SGTA: variants seen among roughly 807,000 people sequenced by gnomAD.
SGTA encodes small glutamine-rich tetratricopeptide repeat-containing protein alpha.
In SGTA, 22 loss-of-function variants were observed where a neutral mutation model predicts 44.3. The observed-to-expected ratio is 0.50, with a 90% confidence interval of 0.36 to 0.71. The LOEUF (loss-of-function observed/expected upper bound fraction) is 0.71, where lower values mean the gene tolerates loss of function less well. Ranked by LOEUF, SGTA falls within the 30% of genes least tolerant of loss-of-function variation. The pLI is 0.00. For missense variants in SGTA, 341 were observed against 435.9 expected (o/e 0.78, Z 1.94); for synonymous variants, 174 against 177.6 (o/e 0.98, Z 0.16).
At chr19:2,757,547 C>A in intron 10 of SGTA, 90 bp from the exon 11 acceptor site, 1 of 1,531,898 alleles carries the variant, frequency 6.5e-7, no homozygotes, top group Non-Finnish European at 8.7e-7. Context: ...GGCCCTCCAC[C>A]CCAAAGACAG....
At chr19:2,774,334 C>T (rs1013170833) in intron 1 of SGTA, among the ~76,000 whole-genome samples, 1 of 152,100 alleles carries the variant, frequency 6.6e-6, no homozygotes, top group Non-Finnish European at 1.5e-5. Flanking sequence ...TGTCATCACA[C>T]GGAAGGGAGC....
intron 1 of SGTA, among the ~76,000 whole-genome samples, chr19:2,774,287 C>T (rs1040494627): frequency 5.3e-5 from 8 of 152,282 alleles, no homozygotes; most frequent in African/African-American, 1.9e-4. Context: ...CGCGTGGTCG[C>T]ATGCCCAGGA....
rs780242378 is a variant in SGTA at position 2,767,629 on chromosome 19, G to C, written c.158C>G (p.Ala53Gly). 3 of 1,613,560 alleles carry C rather than the reference G, an allele frequency of 1.9e-6. No individual in the cohort carries two copies. In the African/African-American group the frequency reaches 4.0e-5, roughly 22 times the overall value. ...TATCTCCGGCAGAGTCTGAGGGAGCGCAAGGTCACTGTCTTCTACCGTCAC... is the reference window on the plus strand; with the variant it reads ...TATCTCCGGCAGAGTCTGAGGGAGCCCAAGGTCACTGTCTTCTACCGTCAC... ...FGVTVEDSDL[A>G]LPQTLPEIFE... Residue 53 changes from alanine to glycine, a missense_variant, in exon 3 of 12, where the codon GCG (alanine) becomes GGG (glycine). By Grantham distance (60) the Ala-to-Gly change is moderately conservative (BLOSUM62 0). Transcript: ENST00000221566. This position sits in a 1 kb window ranked among gnomAD's most constrained non-coding sequence, Gnocchi z 7.3.
Position 2,767,674 on chromosome 19 carries a change from C to A in SGTA, c.113G>T (p.Cys38Phe). ...CGTCACCCCAAACGCAGTCTCCAGGCACTGGATGGCGACTGAAGCGGGGAC... is the reference window on the plus strand; with the variant it reads ...CGTCACCCCAAACGCAGTCTCCAGGAACTGGATGGCGACTGAAGCGGGGAC... Reference protein sequence around the residue: ...AQESLEVAIQCLETAFGVTVE... With the variant: ...AQESLEVAIQFLETAFGVTVE... The change falls in exon 3 of 12, where the codon TGC becomes TTC. Residue 38 changes from cysteine to phenylalanine, a missense_variant. Cys to Phe is a radical substitution (Grantham distance 205). Transcript: ENST00000221566. This position sits in a 1 kb window ranked among gnomAD's most constrained non-coding sequence, Gnocchi z 7.3. 1 of 1,613,270 alleles carries A rather than the reference C, an allele frequency of 6.2e-7. No homozygotes were observed. The highest frequency in any genetic ancestry group is 8.5e-7 in the Non-Finnish European group (1 of 1,179,518).
intron 7 of SGTA, 56 bp downstream of exon 7, chr19:2,762,450 C>A: frequency 1.3e-6 from 2 of 1,596,866 alleles, no homozygotes; most frequent in Non-Finnish European, 1.7e-6. Context: ...AGGACCTGTC[C>A]CCCACCCACA....
rs570038675 is a variant in SGTA at position 2,766,237 on chromosome 19, G to C, written c.292+899C>G. 2.0e-5 allele frequency among the ~76,000 whole-genome samples: 3 copies of C among 151,684 alleles called. No individual in the cohort carries two copies. In the East Asian group the frequency reaches 5.8e-4, roughly 30 times the overall value. ...TCTCAAAAAAGAAAAAAAAGAAATG[G>C]GATCACATGCTGTGCGTCCTTTTGT... is the stretch of plus-strand genomic sequence containing the variant. On this transcript the variant is annotated intron_variant, in intron 4 of 11. Coordinates refer to ENST00000221566, the MANE Select transcript of SGTA (RefSeq NM_003021.4).
rs1049331092 is a variant in SGTA at position 2,761,875 on chromosome 19, G to A, written c.637-353C>T. Among the ~76,000 whole-genome samples the A allele has an allele frequency of 3.5e-5, 5 of 144,520 alleles. No individual in the cohort carries two copies. The highest frequency in any genetic ancestry group is 7.5e-5 in the Non-Finnish European group (5 of 66,692). 94.8% of individuals were successfully genotyped at this position (144,520 alleles called of 152,430 possible). ...CGGGGACGGCACAGTCTATCATCCCGTGTTTATTCCCCGTACAGCGCGACC... is the reference window on the plus strand; with the variant it reads ...CGGGGACGGCACAGTCTATCATCCCATGTTTATTCCCCGTACAGCGCGACC... On this transcript the variant is annotated intron_variant, in intron 7 of 11. Coordinates refer to ENST00000221566, the MANE Select transcript of SGTA (RefSeq NM_003021.4). This position sits in a 1 kb window ranked among gnomAD's most constrained non-coding sequence, Gnocchi z 5.7.
At chr19:2,766,463 A>G (rs539049738) in intron 4 of SGTA, among the ~76,000 whole-genome samples, 1 of 149,802 alleles carries the variant, frequency 6.7e-6, no homozygotes, top group Non-Finnish European at 1.5e-5. Context: ...ACGGAGTTTC[A>G]CTCTTATCGC....
Position 2,775,132 on chromosome 19 carries a change from T to A in SGTA, c.-23-6041A>T, listed in dbSNP as rs575326965. 2.8e-4 allele frequency among the ~76,000 whole-genome samples: 42 copies of A among 152,336 alleles called. 1 individual carries two copies. In the East Asian group the frequency reaches 8.1e-3, roughly 29 times the overall value. On this transcript the variant is annotated intron_variant, in intron 1 of 11. Transcript: ENST00000221566. ...AGGCCCTTGACACAACACCGTCTCA[T>A]GACCTCGGCGCAGTGACCTATGCGG... is the stretch of plus-strand genomic sequence containing the variant.
intron 11 of SGTA, among the ~76,000 whole-genome samples, chr19:2,757,036 C>T (rs1914838213): frequency 6.6e-6 from 1 of 152,176 alleles, no homozygotes; most frequent in Non-Finnish European, 1.5e-5. Context: ...AGACACCAGC[C>T]CTTCCAGGGA....
chr19:2,778,766 T>C (rs951884872), intron 1 of SGTA, among the ~76,000 whole-genome samples: 3 of 152,104 alleles, frequency 2.0e-5, no homozygotes, highest in African/African-American at 7.3e-5. Flanking sequence ...GGCAACAAAG[T>C]GAGGCCCTGT....
At chr19:2,781,054 G>A (rs1915562752) in intron 1 of SGTA, among the ~76,000 whole-genome samples, 1 of 152,234 alleles carries the variant, frequency 6.6e-6, no homozygotes, top group Non-Finnish European at 1.5e-5. Context: ...CTGCACTCCA[G>A]CCTGGGCGAC....
At chr19:2,760,036 A>G (rs1914939358) in intron 8 of SGTA, among the ~76,000 whole-genome samples, 1 of 152,170 alleles carries the variant, frequency 6.6e-6, no homozygotes, top group South Asian at 2.1e-4. Flanking sequence ...TCCACTTGGG[A>G]TTATTCCTTT....
chr19:2,758,651 A>G (rs1914898457), intron 9 of SGTA, among the ~76,000 whole-genome samples: 1 of 152,212 alleles, frequency 6.6e-6, no homozygotes, highest in African/African-American at 2.4e-5. Context: ...TCCAAGAGAA[A>G]CGAAAACAGG....
intron 2 of SGTA, among the ~76,000 whole-genome samples, chr19:2,768,169 C>T (rs1008758843): frequency 3.9e-5 from 6 of 152,196 alleles, no homozygotes; most frequent in Non-Finnish European, 8.8e-5. Flanking sequence ...GAAACAGCCA[C>T]AGGGCCCCTC....
At chr19:2,758,960 G>A (rs904857728) in intron 9 of SGTA, among the ~76,000 whole-genome samples, 3 of 152,104 alleles carry the variant, frequency 2.0e-5, no homozygotes, top group Non-Finnish European at 4.4e-5. Context: ...AAGGGGATGC[G>A]TGGTTGTCAG....
chr19:2,759,726 C>T (rs1187249408), intron 8 of SGTA, among the ~76,000 whole-genome samples: 5 of 152,098 alleles, frequency 3.3e-5, no homozygotes, highest in African/African-American at 4.8e-5. Flanking sequence ...TTTAGGAGGC[C>T]GAGGCAGGCA....
chr19:2,755,719 G>C lies in SGTA; in HGVS notation c.*221C>G. On this transcript the variant is annotated 3_prime_UTR_variant, in exon 12 of 12. Coordinates refer to ENST00000221566, the MANE Select transcript of SGTA (RefSeq NM_003021.4). This position sits in a 1 kb window ranked among gnomAD's most constrained non-coding sequence, Gnocchi z 5.2. ...GTCGCTGCTGGTCTGTGCTCAGCTT[G>C]CTGGCTCTCGTTTCAAGAAGGGTCT... 2 of 985,490 alleles carry C rather than the reference G, an allele frequency of 2.0e-6. No homozygotes were observed. The highest frequency in any genetic ancestry group is 2.4e-6 in the Non-Finnish European group (2 of 829,992). 61.0% of individuals were successfully genotyped at this position (985,490 alleles called of 1,614,324 possible). A position where few individuals can be genotyped will look rare whatever the true frequency, so the allele number is the denominator to read the frequency against.
intron 8 of SGTA, among the ~76,000 whole-genome samples, chr19:2,760,261 G>GT (rs909559411): frequency 4.6e-5 from 7 of 152,056 alleles, no homozygotes; most frequent in Admixed American, 4.6e-4. Context: ...GCTCACACCT[G>GT]TAATCCCAGC....
Sources: gnomAD v4.1 joint callset for allele counts (sites outside exome capture counted in the v4.1 genomes callset) on GRCh38, gnomAD v4.1.1 for gene constraint, Gnocchi (gnomAD v3.1) non-coding constraint, MANE v1.5 for transcripts, NCBI Gene and HGNC (gene_info 2026-07-23, HGNC 2026-07-21) for gene names.